The following TIPIN variants were observed in gnomAD, a reference collection of about 807,000 sequenced individuals.
TIPIN encodes TIMELESS-interacting protein.
In TIPIN, 29 loss-of-function variants were observed where a neutral mutation model predicts 35.6. The observed-to-expected ratio is 0.82, with a 90% CI of 0.61 to 1.11. TIPIN has a LOEUF of 1.11. Ranked by LOEUF, TIPIN falls within the 50% of genes most tolerant of loss-of-function variation. The pLI is 0.00. For missense variants in TIPIN, 296 were observed against 345.4 expected, an observed-to-expected ratio of 0.86 and a Z score of 1.13; for synonymous variants, 102 against 121.5, an observed-to-expected ratio of 0.84 and a Z score of 1.06.
chr15:66,357,056 C>T (rs899950152), upstream of TIPIN, among the ~76,000 whole-genome samples: 3 of 152,010 alleles, frequency 2.0e-5, no homozygotes, highest in East Asian at 5.8e-4. Flanking sequence ...CCGACTAACA[C>T]CACCACACCG....
chr15:66,362,012 G>GCGGTGGCTCTGCCGGGCA (rs1566981195), intron 1 of TIPIN, among the ~76,000 whole-genome samples: 1 of 148,984 alleles, frequency 6.7e-6, no homozygotes, highest in African/African-American at 2.5e-5. Flanking sequence ...GAGGCTGGGC[G>GCGGTGGCTCTGCCGGGCA]CGGTGGCTCT....
Position 66,352,893 on chromosome 15 carries a change from C to G in TIPIN, c.55G>C (p.Glu19Gln), listed in dbSNP as rs371297618. The change falls in exon 2 of 8, where the codon GAA becomes CAA. Residue 19 changes from glutamate (E) to glutamine (Q), a missense_variant. Physicochemically the swap from Glu to Gln is conservative, Grantham distance 29. Transcript: ENST00000261881. ...VIDLPDYEHV[E>Q]DETFPPFPPP... is the part of the protein sequence containing the mutation. ...GGGAAAGGAGGAAAAGTTTCATCTT[C>G]TACATGCTCATAATCTGGTAGGTCA... 6.2e-7 allele frequency: 1 copy of G among 1,614,028 alleles called. No individual in the cohort carries two copies. Among genetic ancestry groups the G allele is most frequent in the African/African-American group, 1.3e-5 (1 of 74,932 alleles).
intron 7 of TIPIN, 145 bp from the exon 8 acceptor site, chr15:66,337,326 ATCTTT>A: frequency 1.9e-6 from 1 of 529,240 alleles, no homozygotes; most frequent in East Asian, 3.2e-5. Flanking sequence ...TTCTAAATAT[ATCTTT>A]TTTTTTTTTT....
upstream of TIPIN, among the ~76,000 whole-genome samples, chr15:66,359,042 C>CAA (rs759382097): frequency 1.4e-4 from 19 of 133,206 alleles, no homozygotes; most frequent in African/African-American, 3.5e-4. Flanking sequence ...GACTCTGTCT[C>CAA]AAAAAAAAAA....
intron 1 of TIPIN, chr15:66,366,758 C>T: frequency 2.3e-6 from 2 of 880,350 alleles, no homozygotes; most frequent in Non-Finnish European, 2.7e-6. Flanking sequence ...CAAAGTAAGA[C>T]TCCATCTCAA....
intron 4 of TIPIN, among the ~76,000 whole-genome samples, chr15:66,351,051 A>G (rs1255961589): frequency 1.3e-5 from 2 of 151,200 alleles, no homozygotes; most frequent in African/African-American, 4.9e-5. Flanking sequence ...ACACTCCTAC[A>G]TAATTCAAAA....
chr15:66,355,148 C>T (rs1373157043), intron 1 of TIPIN, among the ~76,000 whole-genome samples: 1 of 151,234 alleles, frequency 6.6e-6, no homozygotes, highest in Non-Finnish European at 1.5e-5. Context: ...ATTCTCCTGC[C>T]TCAGCCTCCC....
intron 1 of TIPIN, among the ~76,000 whole-genome samples, chr15:66,376,635 G>C (rs2093297931): frequency 1.3e-5 from 2 of 151,222 alleles, no homozygotes; most frequent in Admixed American, 1.3e-4. Context: ...TCATCATGTT[G>C]GCCAGGCTGT....
At chr15:66,355,490 C>A (rs1395700797) in intron 1 of TIPIN, among the ~76,000 whole-genome samples, 1 of 151,734 alleles carries the variant, frequency 6.6e-6, no homozygotes, top group East Asian at 2.0e-4. Context: ...TGGCTCACGC[C>A]GGTAATCCCA....
chr15:66,384,368 C>T (rs1276921961), intron 1 of TIPIN, among the ~76,000 whole-genome samples: 2 of 151,946 alleles, frequency 1.3e-5, no homozygotes, highest in East Asian at 1.9e-4. Context: ...AATCTCGGCT[C>T]ACTGCAAACT....
At chr15:66,382,273 G>T in intron 1 of TIPIN, 7 of 875,884 alleles carry the variant, frequency 8.0e-6, no homozygotes, top group Non-Finnish European at 8.2e-6. Flanking sequence ...GCCAAGGGCA[G>T]AACTGGAATT....
chr15:66,338,359 A>G (rs1186497235), intron 7 of TIPIN, among the ~76,000 whole-genome samples: 1 of 152,204 alleles, frequency 6.6e-6, no homozygotes, highest in Non-Finnish European at 1.5e-5. Context: ...ACTTATTTCC[A>G]TTTGGACAAA....
At chr15:66,378,902 A>G (rs1001259881) in intron 1 of TIPIN, among the ~76,000 whole-genome samples, 4 of 152,148 alleles carry the variant, frequency 2.6e-5, no homozygotes, top group South Asian at 4.1e-4. Flanking sequence ...ATGCCTGGCT[A>G]AGTTTATCTT....
chr15:66,356,839 C>G, upstream of TIPIN: 2 of 519,910 alleles, frequency 3.8e-6, no homozygotes, highest in Non-Finnish European at 4.9e-6. Flanking sequence ...CCACAATTTC[C>G]GCCCTACTGA....
upstream of TIPIN, among the ~76,000 whole-genome samples, chr15:66,361,376 C>T (rs192360935): frequency 3.2e-3 from 490 of 151,244 alleles, 3 homozygotes; most frequent in African/African-American, 0.011. Context: ...CTGCCTCAGT[C>T]TCCTGAGTAG....
At chr15:66,377,188 C>G (rs978996564) in intron 1 of TIPIN, among the ~76,000 whole-genome samples, 1 of 150,688 alleles carries the variant, frequency 6.6e-6, no homozygotes, top group Non-Finnish European at 1.5e-5. Flanking sequence ...CCCATATGTT[C>G]AATAATATTG....
At chr15:66,350,208 C>T (rs1421376046) in intron 4 of TIPIN, among the ~76,000 whole-genome samples, 1 of 151,888 alleles carries the variant, frequency 6.6e-6, no homozygotes, top group Non-Finnish European at 1.5e-5. Flanking sequence ...AAGTGATCCG[C>T]CCACCCTGGC....
chr15:66,365,957 G>A (rs2093252277), intron 1 of TIPIN, among the ~76,000 whole-genome samples: 1 of 151,922 alleles, frequency 6.6e-6, no homozygotes, highest in Non-Finnish European at 1.5e-5. Flanking sequence ...CCTCTCTTGG[G>A]GTCTAAATTA....
chr15:66,374,557 C>T (rs138778604), intron 1 of TIPIN, among the ~76,000 whole-genome samples: 2 of 151,784 alleles, frequency 1.3e-5, no homozygotes, highest in South Asian at 2.1e-4. Context: ...CCACCATCCT[C>T]GGCTAATTTT....
Sources: allele counts gnomAD v4.1 joint callset (sites outside exome capture counted in the v4.1 genomes callset), GRCh38; gene constraint gnomAD v4.1.1; transcripts MANE v1.5; gene names NCBI Gene and HGNC (gene_info 2026-07-23, HGNC 2026-07-21).